SEMA5A: variants seen among roughly 807,000 people sequenced by gnomAD.
The protein encoded by SEMA5A is semaphorin-5A.
In SEMA5A, 55 loss-of-function variants were observed where a neutral mutation model predicts 135.5. The ratio of observed to expected loss-of-function variants is 0.41; its 90% confidence interval spans 0.33 to 0.51. SEMA5A has a LOEUF of 0.51. SEMA5A is among the 20% of genes least tolerant of loss of function. The probability of loss-of-function intolerance (pLI) is 0.37; values close to 1 mark genes in which losing one functional copy is unlikely to be tolerated. For synonymous variants in SEMA5A, 580 were observed against 546.5 expected (o/e 1.06, Z -0.85); for missense variants, 1,290 against 1,419.9 (o/e 0.91, Z 1.47).
chr5:9,100,799 A>G (rs1043519445), intron 16 of SEMA5A, among the ~76,000 whole-genome samples: 7 of 152,052 alleles, frequency 4.6e-5, no homozygotes, highest in African/African-American at 1.4e-4. Flanking sequence ...TGAAGAACAC[A>G]CTGAGTTTTT....
At position 9,204,717 on chromosome 5, in the gene SEMA5A, G is replaced by A. The variant is rs569092526; in HGVS notation, c.647-2477C>T. Among the ~76,000 whole-genome samples the A allele has an allele frequency of 2.2e-4, 33 of 152,230 alleles. No individual in the cohort carries two copies. The highest frequency in any genetic ancestry group is 5.3e-4 in the African/African-American group (22 of 41,548). Reference sequence around the variant, plus strand: ...TGGAAAGTCCTGAATCCATTAGACCGGGGGTCACCAACCCCCAGGACATGG... The same window carrying A: ...TGGAAAGTCCTGAATCCATTAGACCAGGGGTCACCAACCCCCAGGACATGG... On this transcript the variant is annotated intron_variant, in intron 8 of 22. Transcript: ENST00000382496. The surrounding 1 kb of genome is among the most constrained non-coding windows in gnomAD (Gnocchi z 6.4).
At chr5:9,181,112 G>A (rs148516956) in intron 11 of SEMA5A, among the ~76,000 whole-genome samples, 2,653 of 152,184 alleles carry the variant, frequency 0.017, 36 homozygotes, top group Non-Finnish European at 0.024. Context: ...AGGCCCCCAG[G>A]TACATCAGGG....
intron 18 of SEMA5A, among the ~76,000 whole-genome samples, chr5:9,060,734 C>T (rs1427700537): frequency 6.6e-6 from 1 of 152,098 alleles, no homozygotes; most frequent in Admixed American, 6.5e-5. Flanking sequence ...TTGGGAGCCT[C>T]AGCTACAAAT....
chr5:9,246,856 G>A (rs905995956), intron 5 of SEMA5A, among the ~76,000 whole-genome samples: 1 of 152,132 alleles, frequency 6.6e-6, no homozygotes, highest in Non-Finnish European at 1.5e-5. Context: ...GTGTGGCTTT[G>A]ACCAAATCTT....
At chr5:9,439,772 C>G (rs1386814107) in intron 1 of SEMA5A, among the ~76,000 whole-genome samples, 2 of 152,232 alleles carry the variant, frequency 1.3e-5, no homozygotes, top group East Asian at 3.9e-4. Context: ...GCCAGACAGT[C>G]CTGGTGCAAC....
chr5:9,353,098 G>GAAAGGGAAAGGA (rs1378151075), intron 3 of SEMA5A, among the ~76,000 whole-genome samples: 2,501 of 21,762 alleles, frequency 0.11, 806 homozygotes, highest in East Asian at 0.21. Flanking sequence ...GGAAAGGAAG[G>GAAAGGGAAAGGA]AAGGAAAGGA....
intron 1 of SEMA5A, among the ~76,000 whole-genome samples, chr5:9,463,022 G>T (rs1321786737): frequency 6.6e-6 from 1 of 150,988 alleles, no homozygotes; most frequent in Non-Finnish European, 1.5e-5. Flanking sequence ...AACTCCCTGG[G>T]ACATGAACAA....
Position 9,136,532 on chromosome 5 carries a change from T to C in SEMA5A, c.1571A>G (p.Gln524Arg), listed in dbSNP as rs938662830. 1.2e-6 allele frequency: 2 copies of C among 1,614,048 alleles called. No individual in the cohort carries two copies. The highest frequency in any genetic ancestry group is 1.7e-5 in the Admixed American group (1 of 60,006). ...ACACGCAGAGATGCTCTGTTCCCAC[T>C]GCGTCATGCTCAGGCTCTCCTCCAG... ...TSLEESLSMT[Q>R]WEQSISACPT... The change falls in exon 13 of 23, where the codon CAG becomes CGG. Residue 524 changes from glutamine (Q) to arginine (R), a missense_variant. Around this residue, in one of 3 missense-constraint regions of SEMA5A, gnomAD observed 1,029 missense variants for 1,086.6 expected, o/e 0.95. Transcript: ENST00000382496.
intron 1 of SEMA5A, among the ~76,000 whole-genome samples, chr5:9,529,958 C>T (rs1409389809): frequency 5.3e-5 from 8 of 152,268 alleles, no homozygotes; most frequent in South Asian, 2.1e-4. Context: ...CCATCAGATC[C>T]GAAAGGTGTC....
intron 2 of SEMA5A, among the ~76,000 whole-genome samples, chr5:9,383,049 TCC>T (rs1474801320): frequency 2.0e-5 from 3 of 152,176 alleles, no homozygotes; most frequent in Non-Finnish European, 4.4e-5. Context: ...GGCTCATCTG[TCC>T]GCCAGCCCAC....
chr5:9,148,158 T>G (rs936902710), intron 12 of SEMA5A, among the ~76,000 whole-genome samples: 6 of 152,232 alleles, frequency 3.9e-5, no homozygotes, highest in Admixed American at 2.0e-4. Context: ...GAAAATTCCA[T>G]GGTGTTCAGA....
chr5:9,365,076 A>G (rs1170586783), intron 3 of SEMA5A, among the ~76,000 whole-genome samples: 1 of 152,236 alleles, frequency 6.6e-6, no homozygotes, highest in African/African-American at 2.4e-5. Flanking sequence ...GGAGACAGAC[A>G]TATTCCACAA....
At chr5:9,318,447 T>G (rs1752486302) in intron 4 of SEMA5A, 30 bp from the exon 5 acceptor site, 1 of 1,569,944 alleles carries the variant, frequency 6.4e-7, no homozygotes. Flanking sequence ...AGCAGTTTTA[T>G]TTTTAATAGA....
At position 9,384,587 on chromosome 5, in the gene SEMA5A, G is replaced by GATAC. The variant is rs1222697654; in HGVS notation, c.-77-4565_-77-4564insGTAT. Among the ~76,000 whole-genome samples the GATAC allele has an allele frequency of 1.6e-4, 15 of 95,328 alleles. 2 individuals carry two copies. The highest frequency in any genetic ancestry group is 3.5e-4 in the Admixed American group (3 of 8,664). The allele number at this position is 95,328 out of a possible 152,430, so 62.5% of individuals were successfully genotyped here. A position where few individuals can be genotyped will look rare whatever the true frequency, so the allele number is the denominator to read the frequency against. On this transcript the variant is annotated intron_variant, in intron 2 of 22. Coordinates refer to ENST00000382496, the MANE Select transcript of SEMA5A (RefSeq NM_003966.3). ...AGATAGATACATAGATAGATAGATA[G>GATAC]ATAGATAGATAGATAGATAGATAGA...
At chr5:9,438,071 A>C (rs573134559) in intron 1 of SEMA5A, among the ~76,000 whole-genome samples, 10 of 152,370 alleles carry the variant, frequency 6.6e-5, no homozygotes, top group Admixed American at 3.3e-4. Flanking sequence ...TCTTCAGAAA[A>C]GGAGAAATAA....
chr5:9,460,959 A>G (rs1478618891), intron 1 of SEMA5A, among the ~76,000 whole-genome samples: 2 of 152,092 alleles, frequency 1.3e-5, no homozygotes, highest in East Asian at 1.9e-4. Context: ...TTTTCCCTCA[A>G]TTTGCTATCT....
At chr5:9,207,248 C>T (rs1442276235) in intron 8 of SEMA5A, among the ~76,000 whole-genome samples, 6 of 151,498 alleles carry the variant, frequency 4.0e-5, no homozygotes, top group Admixed American at 1.3e-4. Context: ...TGCAATGGTG[C>T]GATCTCAGCT....
intron 5 of SEMA5A, among the ~76,000 whole-genome samples, chr5:9,307,539 C>A (rs1751928730): frequency 6.8e-6 from 1 of 147,744 alleles, no homozygotes; most frequent in Non-Finnish European, 1.5e-5. Flanking sequence ...TCACTTTGTT[C>A]TTAGGTAATT....
chr5:9,061,163 G>A (rs1225464456), intron 18 of SEMA5A, among the ~76,000 whole-genome samples: 4 of 151,970 alleles, frequency 2.6e-5, no homozygotes, highest in Non-Finnish European at 5.9e-5. Flanking sequence ...CTGGGTTGAC[G>A]CTGCTCCCAG....
Sources: allele counts gnomAD v4.1 joint callset (sites outside exome capture counted in the v4.1 genomes callset), GRCh38; gene constraint gnomAD v4.1.1; regional missense constraint gnomAD v4.1.1; non-coding constraint Gnocchi (gnomAD v3.1); transcripts MANE v1.5; gene names NCBI Gene and HGNC (gene_info 2026-07-23, HGNC 2026-07-21).